Variants in PCDH7 observed in about 807,000 individuals in gnomAD.
PCDH7 encodes the protein protocadherin-7.
Under a neutral mutation model 58.9 loss-of-function variants are expected in PCDH7, and 17 were observed. The ratio of observed to expected loss-of-function variants is 0.29; its 90% CI spans 0.20 to 0.43. PCDH7 has a LOEUF of 0.43. Ranked by LOEUF, PCDH7 falls within the 20% of genes least tolerant of loss-of-function variation. PCDH7 has a pLI of 1.00. For missense variants in PCDH7, 1,274 were observed against 1,441.0 expected, an observed-to-expected ratio of 0.88 and a Z score of 1.88; for synonymous variants, 664 against 616.4, an observed-to-expected ratio of 1.08 and a Z score of -1.14.
chr4:30,979,947 C>T (rs190756615), intron 3 of PCDH7, among the ~76,000 whole-genome samples: 131 of 152,194 alleles, frequency 8.6e-4, no homozygotes, highest in African/African-American at 3.0e-3. Context: ...CATCCCATTC[C>T]CCACCCTGAC....
intron 2 of PCDH7, among the ~76,000 whole-genome samples, chr4:30,943,546 T>C (rs1746305648): frequency 6.6e-6 from 1 of 152,072 alleles, no homozygotes; most frequent in South Asian, 2.1e-4. Flanking sequence ...TCATGCTATA[T>C]CTAGCCATGC....
chr4:31,140,626 A>G (rs1416986543), intron 3 of PCDH7, among the ~76,000 whole-genome samples: 1 of 150,332 alleles, frequency 6.7e-6, no homozygotes, highest in African/African-American at 2.4e-5. Flanking sequence ...AAAAAAAAAG[A>G]AAAGAAAAAA....
At chr4:30,780,482 G>A (rs1722630583) in intron 1 of PCDH7, among the ~76,000 whole-genome samples, 1 of 151,528 alleles carries the variant, frequency 6.6e-6, no homozygotes, top group Admixed American at 6.6e-5. Flanking sequence ...ACTCCAGCTT[G>A]GGTGACAGAG....
chr4:30,777,599 A>G (rs905679376), intron 1 of PCDH7, among the ~76,000 whole-genome samples: 5 of 152,144 alleles, frequency 3.3e-5, no homozygotes, highest in African/African-American at 1.2e-4. Flanking sequence ...GGTTATTCTC[A>G]GTTTTTATTA....
intron 3 of PCDH7, among the ~76,000 whole-genome samples, chr4:31,020,767 C>T (rs73214977): frequency 0.064 from 9,674 of 152,218 alleles, 403 homozygotes; most frequent in Non-Finnish European, 0.092. Flanking sequence ...GCAATCCAGG[C>T]CTAATTACTA....
chr4:30,836,968 C>T (rs889301914), intron 1 of PCDH7, among the ~76,000 whole-genome samples: 1 of 152,098 alleles, frequency 6.6e-6, no homozygotes, highest in Admixed American at 6.6e-5. Context: ...TGAGGCTCCT[C>T]CTTGAGACAC....
chr4:30,947,954 C>T (rs186822866), intron 2 of PCDH7, among the ~76,000 whole-genome samples: 187 of 152,174 alleles, frequency 1.2e-3, no homozygotes, highest in African/African-American at 1.5e-3. Flanking sequence ...TGAGAACATG[C>T]GGTGTTTAAC....
At position 30,806,137 on chromosome 4, in the gene PCDH7, T is replaced by C. The variant is rs186649135; in HGVS notation, c.70+81541T>C. Among the ~76,000 whole-genome samples the C allele has an allele frequency of 4.6e-4, 70 of 152,286 alleles. 1 individual carries two copies. The East Asian group carries it at 0.013, about 29-fold the overall frequency. On this transcript the variant is annotated intron_variant, in intron 1 of 3. Coordinates refer to the PCDH7 transcript ENST00000509759. Reference sequence around the variant, plus strand: ...TCAACCTGTATGTCCTTTCATTATTTAAAATCCTTCAGTGGCTGTTGATCA... The same window carrying C: ...TCAACCTGTATGTCCTTTCATTATTCAAAATCCTTCAGTGGCTGTTGATCA...
chr4:30,911,232 G>A (rs564976223), intron 1 of PCDH7, among the ~76,000 whole-genome samples: 22 of 150,734 alleles, frequency 1.5e-4, no homozygotes, highest in Non-Finnish European at 3.1e-4. Context: ...TGGGTGCAGC[G>A]AACCACCAGG....
intron 1 of PCDH7, among the ~76,000 whole-genome samples, chr4:30,738,333 AAGGAAACTTTCCTTCCCT>A (rs1716587651): frequency 2.0e-5 from 3 of 152,074 alleles, no homozygotes; most frequent in African/African-American, 7.2e-5. Flanking sequence ...TCCCATTTTA[AAGGAAACTTTCCTTCCCT>A]TGATGAGCTC....
At chr4:31,009,572 T>C (rs2109149793) in intron 3 of PCDH7, among the ~76,000 whole-genome samples, 1 of 152,134 alleles carries the variant, frequency 6.6e-6, no homozygotes. Context: ...AAATTGAATA[T>C]ATTCTGTGAC....
chr4:30,730,287 T>C (rs1045202975), intron 1 of PCDH7, among the ~76,000 whole-genome samples: 9 of 152,094 alleles, frequency 5.9e-5, no homozygotes, highest in Non-Finnish European at 1.3e-4. Context: ...TAAGCTTTGC[T>C]TTTCTTAGTT....
chr4:30,786,674 A>C, intron 1 of PCDH7: 1 of 716,358 alleles, frequency 1.4e-6, no homozygotes. Context: ...TAGGCTGGCA[A>C]AACCCTACTC....
intron 1 of PCDH7, among the ~76,000 whole-genome samples, chr4:30,828,859 C>A (rs1430183510): frequency 6.6e-6 from 1 of 151,592 alleles, no homozygotes; most frequent in Non-Finnish European, 1.5e-5. Context: ...TGTTGTTAAA[C>A]CCATGATTTT....
chr4:30,960,283 A>T (rs921549744), intron 3 of PCDH7, among the ~76,000 whole-genome samples: 7 of 152,200 alleles, frequency 4.6e-5, no homozygotes, highest in African/African-American at 1.7e-4. Context: ...ATATTTTGCC[A>T]TTAAAATAGG....
intron 1 of PCDH7, among the ~76,000 whole-genome samples, chr4:30,882,326 G>A (rs77318235): frequency 0.014 from 2,198 of 151,896 alleles, 51 homozygotes; most frequent in African/African-American, 0.048. Flanking sequence ...GCAATGGGGC[G>A]GTCATAGGTC....
At chr4:31,104,554 G>A (rs936964308) in intron 3 of PCDH7, among the ~76,000 whole-genome samples, 7 of 152,124 alleles carry the variant, frequency 4.6e-5, no homozygotes, top group African/African-American at 1.7e-4. Flanking sequence ...GTTAGTTTTT[G>A]TGTATAAAAA....
intron 1 of PCDH7, among the ~76,000 whole-genome samples, chr4:30,857,194 T>C (rs867066600): frequency 1.3e-5 from 2 of 152,124 alleles, no homozygotes; most frequent in Admixed American, 1.3e-4. Context: ...GGGGTGTGTT[T>C]TCTGAATGCC....
At chr4:30,804,428 A>G (rs1415708959) in intron 1 of PCDH7, among the ~76,000 whole-genome samples, 1 of 151,828 alleles carries the variant, frequency 6.6e-6, no homozygotes. Context: ...AGTCCTAGCT[A>G]CTCAGGAGGC....
Sources: allele counts gnomAD v4.1 joint callset (sites outside exome capture counted in the v4.1 genomes callset), GRCh38; gene constraint gnomAD v4.1.1; transcripts MANE v1.5; gene names NCBI Gene and HGNC (gene_info 2026-07-23, HGNC 2026-07-21).